The following CLVS1 variants were observed in gnomAD, a reference collection of about 807,000 sequenced individuals.
CLVS1 encodes clavesin 1, also known as clavesin-1.
A neutral mutation model predicts 33.1 loss-of-function variants in CLVS1; 10 were observed. The observed-to-expected ratio is 0.30, with a 90% CI of 0.19 to 0.51. The LOEUF (loss-of-function observed/expected upper bound fraction) is 0.51, where lower values mean the gene tolerates loss of function less well. CLVS1 is among the 20% of genes least tolerant of loss of function. The pLI is 0.97. For synonymous variants in CLVS1, 163 were observed against 166.1 expected, an observed-to-expected ratio of 0.98 and a Z score of 0.14; for missense variants, 343 against 433.4, an observed-to-expected ratio of 0.79 and a Z score of 1.85.
At chr8:61,369,193 TC>T (rs1201558018) in intron 2 of CLVS1, among the ~76,000 whole-genome samples, 1 of 152,206 alleles carries the variant, frequency 6.6e-6, no homozygotes, top group African/African-American at 2.4e-5. Context: ...AATTTAAGTT[TC>T]CAGCCAAGAT....
At chr8:61,006,374 G>A in the CLVS1 span, among the ~76,000 whole-genome samples, 1 of 152,182 alleles carries the variant, frequency 6.6e-6, no homozygotes, top group African/African-American at 2.4e-5. Flanking sequence ...ATTGAAAGGA[G>A]AACCATTCCT....
At chr8:61,331,611 C>T (rs1479342195) in intron 2 of CLVS1, among the ~76,000 whole-genome samples, 1 of 151,338 alleles carries the variant, frequency 6.6e-6, no homozygotes, top group Non-Finnish European at 1.5e-5. Flanking sequence ...ACATGATCGT[C>T]CTGTCCTTCT....
At chr8:60,973,012 G>C in the CLVS1 span, among the ~76,000 whole-genome samples, 1 of 152,222 alleles carries the variant, frequency 6.6e-6, no homozygotes, top group Non-Finnish European at 1.5e-5. Flanking sequence ...GCCAGTGCTG[G>C]GGTGGTTGAG....
chr8:61,382,743 A>G (rs1585892059), intron 3 of CLVS1, among the ~76,000 whole-genome samples: 1 of 152,128 alleles, frequency 6.6e-6, no homozygotes, highest in East Asian at 1.9e-4. Context: ...TTTACACTTC[A>G]CACACACTTC....
intron 2 of CLVS1, among the ~76,000 whole-genome samples, chr8:61,201,709 C>T (rs545081251): frequency 4.1e-5 from 6 of 147,260 alleles, no homozygotes; most frequent in Admixed American, 2.1e-4. Flanking sequence ...CCTGACAATT[C>T]GAATCCCAGT....
chr8:61,238,672 C>T (rs1160188223), intron 2 of CLVS1, among the ~76,000 whole-genome samples: 1 of 152,226 alleles, frequency 6.6e-6, no homozygotes, highest in African/African-American at 2.4e-5. Flanking sequence ...CATCATACCA[C>T]TCTTGGTTTG....
Position 61,340,100 on chromosome 8 carries a change from GAAAA to G in CLVS1, c.456-36504_456-36501del, listed in dbSNP as rs796113160. Among the ~76,000 whole-genome samples the G allele has an allele frequency of 4.0e-4, 61 of 151,478 alleles. 2 individuals carry two copies. In the South Asian group the frequency reaches 0.01, roughly 25 times the overall value. On this transcript the variant is annotated intron_variant, in intron 2 of 5. Transcript: ENST00000325897. The stretch of plus-strand genomic sequence containing the variant: ...AAGAAAGGAAAGAAAGAAAAAGAAA[GAAAA>G]GAAAGAAAGAGAGAAAGGGAAAGAA...
At chr8:61,158,340 A>G (rs867807989) in intron 2 of CLVS1, among the ~76,000 whole-genome samples, 110 of 152,122 alleles carry the variant, frequency 7.2e-4, no homozygotes, top group African/African-American at 2.4e-3. Context: ...AGGGGTGGAG[A>G]CACTCTCCAG....
intron 2 of CLVS1, among the ~76,000 whole-genome samples, chr8:61,321,925 C>G (rs1811206355): frequency 6.6e-6 from 1 of 152,152 alleles, no homozygotes; most frequent in Admixed American, 6.6e-5. Flanking sequence ...TACTTGTACT[C>G]CAGATTCCCC....
intron 3 of CLVS1, among the ~76,000 whole-genome samples, chr8:61,378,893 G>T (rs190794022): frequency 6.6e-6 from 1 of 152,142 alleles, no homozygotes; most frequent in Non-Finnish European, 1.5e-5. Context: ...TGAAAAAGCC[G>T]TAAGTGGTAC....
intron 2 of CLVS1, among the ~76,000 whole-genome samples, chr8:61,335,095 C>A (rs773126090): frequency 6.6e-6 from 1 of 152,126 alleles, no homozygotes; most frequent in East Asian, 1.9e-4. Context: ...TCAAGTGAGC[C>A]AGTTTATTGA....
At chr8:61,494,334 C>T (rs1804197235) in intron 5 of CLVS1, among the ~76,000 whole-genome samples, 1 of 151,890 alleles carries the variant, frequency 6.6e-6, no homozygotes, top group African/African-American at 2.4e-5. Context: ...AGCAGGAAAA[C>T]AAAAAGTGGC....
At chr8:61,006,621 T>C in the CLVS1 span, among the ~76,000 whole-genome samples, 1 of 152,218 alleles carries the variant, frequency 6.6e-6, no homozygotes, top group Non-Finnish European at 1.5e-5. Flanking sequence ...TAACGTGCAA[T>C]GTGCTTCCAT....
chr8:61,421,733 C>T (rs556371476), intron 3 of CLVS1, among the ~76,000 whole-genome samples: 130 of 152,342 alleles, frequency 8.5e-4, no homozygotes, highest in East Asian at 2.7e-3. Context: ...TTTCCATCTC[C>T]TTCTCTGGAA....
At chr8:61,113,470 ATGTGGGAG>A (rs1403298854) in intron 1 of CLVS1, among the ~76,000 whole-genome samples, 2 of 152,158 alleles carry the variant, frequency 1.3e-5, no homozygotes, top group Non-Finnish European at 2.9e-5. Context: ...GAGCAGAGCC[ATGTGGGAG>A]AAGCCTGCTT....
chr8:61,012,235 C>T, the CLVS1 span, among the ~76,000 whole-genome samples: 2 of 152,142 alleles, frequency 1.3e-5, no homozygotes, highest in African/African-American at 4.8e-5. Context: ...TTCCCTCTAA[C>T]TTCCTTCCAC....
rs562440394 is a variant in CLVS1, at chr8:61,497,963, C to T, written c.978-1492C>T. On this transcript the variant is annotated intron_variant, in intron 5 of 5. Transcript: ENST00000325897. ...GATGGCTGGAAATCACTCTCATCGC[C>T]GTCTTGGTTTCGGTGGGTTTTGTCT... Among the ~76,000 whole-genome samples, 134 of 152,098 alleles carry T rather than the reference C, an allele frequency of 8.8e-4. 5 individuals are homozygous for T. In the South Asian group the frequency reaches 0.026, roughly 29 times the overall value.
chr8:61,428,298 C>T (rs1274373420), intron 3 of CLVS1, among the ~76,000 whole-genome samples: 1 of 152,152 alleles, frequency 6.6e-6, no homozygotes, highest in Non-Finnish European at 1.5e-5. Context: ...AAAATATTGA[C>T]ATGTGTCAAC....
At chr8:61,105,908 T>A (rs12235034) in intron 1 of CLVS1, among the ~76,000 whole-genome samples, 1 of 151,876 alleles carries the variant, frequency 6.6e-6, no homozygotes, top group Non-Finnish European at 1.5e-5. Context: ...CCAGTTTTAG[T>A]TGTTCTCCCG....
Sources: allele counts gnomAD v4.1 joint callset (sites outside exome capture counted in the v4.1 genomes callset), GRCh38; gene constraint gnomAD v4.1.1; transcripts MANE v1.5; gene names NCBI Gene and HGNC (gene_info 2026-07-23, HGNC 2026-07-21).